PNLIP: variants seen among roughly 807,000 people sequenced by gnomAD.
The protein encoded by PNLIP is pancreatic lipase, also known as pancreatic triacylglycerol lipase.
PNLIP carries 49 observed loss-of-function variants against 57.1 expected under a neutral mutation model. The observed-to-expected ratio is 0.86, with a 90% confidence interval of 0.68 to 1.09. The LOEUF (loss-of-function observed/expected upper bound fraction) is 1.09, where lower values mean the gene tolerates loss of function less well. PNLIP is among the 50% of genes least tolerant of loss of function. PNLIP has a pLI of 0.00. For synonymous variants in PNLIP, 209 were observed against 200.4 expected (o/e 1.04, Z -0.36); for missense variants, 503 against 570.2 (o/e 0.88, Z 1.20).
chr10:116,553,378 T>A (rs1215480705), intron 5 of PNLIP, among the ~76,000 whole-genome samples: 1 of 152,240 alleles, frequency 6.6e-6, no homozygotes, highest in Non-Finnish European at 1.5e-5. Flanking sequence ...GTGCTGGGAT[T>A]ACAGGTGTGC....
At chr10:116,548,535 A>G in intron 4 of PNLIP, 53 bp downstream of exon 4, 1 of 1,592,752 alleles carries the variant, frequency 6.3e-7, no homozygotes, top group East Asian at 2.2e-5. Flanking sequence ...GGTAATTAAC[A>G]AACGGTAAGG....
At position 116,561,385 on chromosome 10, in the gene PNLIP, A is replaced by G. The variant is rs113008689; in HGVS notation, c.1170-87A>G. On this transcript the variant is annotated intron_variant, in intron 11 of 12. Coordinates refer to ENST00000369221, the MANE Select transcript of PNLIP (RefSeq NM_000936.4). ...TAGAAACATAAATGTGTATGTATAT[A>G]TGTACACACTTACATACACACAAAT... 47 of 929,610 alleles carry G rather than the reference A, an allele frequency of 5.1e-5. 1 individual carries two copies. In the African/African-American group the frequency reaches 6.3e-4, roughly 13 times the overall value. 57.6% of individuals were successfully genotyped at this position (929,610 alleles called of 1,614,324 possible).
chr10:116,562,865 T>C (rs1746408036), intron 12 of PNLIP, among the ~76,000 whole-genome samples: 1 of 152,198 alleles, frequency 6.6e-6, no homozygotes, highest in South Asian at 2.1e-4. Context: ...AATTTACCTA[T>C]ATTGACCAAG....
chr10:116,548,240 A>C, intron 3 of PNLIP, 120 bp from the exon 4 acceptor site: 1 of 867,038 alleles, frequency 1.2e-6, no homozygotes, highest in Non-Finnish European at 1.8e-6. Flanking sequence ...CTATGGAGGA[A>C]TCATTATTCA....
intron 5 of PNLIP, among the ~76,000 whole-genome samples, chr10:116,552,078 G>C (rs1013817240): frequency 3.9e-5 from 6 of 152,024 alleles, no homozygotes; most frequent in African/African-American, 1.5e-4. Context: ...ATGGATTTGT[G>C]GTCATGCTGG....
In PNLIP at chr10:116,560,299, AC is replaced by A. The variant is rs1168879374; in HGVS notation, c.1061-116del. 7 of 608,440 alleles carry A rather than the reference AC, an allele frequency of 1.2e-5. No individual in the cohort carries two copies. In the East Asian group the frequency reaches 1.7e-4, roughly 15 times the overall value. 37.7% of individuals were successfully genotyped at this position (608,440 alleles called of 1,614,324 possible). ...ATTACACACACACACACACACACACACACACACACAATTATAAATAAATTAT... is the reference window on the plus strand; with the variant it reads ...ATTACACACACACACACACACACACAACACACACAATTATAAATAAATTAT... On this transcript the variant is annotated intron_variant, in intron 10 of 12. Coordinates refer to ENST00000369221, the MANE Select transcript of PNLIP (RefSeq NM_000936.4).
intron 5 of PNLIP, among the ~76,000 whole-genome samples, chr10:116,553,044 G>A (rs1847212267): frequency 1.3e-5 from 2 of 152,182 alleles, no homozygotes; most frequent in African/African-American, 2.4e-5. Context: ...CTTGCCCAGA[G>A]CAACTTCCAG....
At chr10:116,564,397 G>A (rs977156874) in intron 12 of PNLIP, among the ~76,000 whole-genome samples, 14 of 152,114 alleles carry the variant, frequency 9.2e-5, no homozygotes, top group Admixed American at 5.9e-4. Context: ...CTTAGAGTAT[G>A]GAAAGGAAAA....
chr10:116,562,322 C>T (rs1847323415), intron 12 of PNLIP, among the ~76,000 whole-genome samples: 2 of 152,160 alleles, frequency 1.3e-5, no homozygotes, highest in Admixed American at 1.3e-4. Flanking sequence ...ATTTACTGGC[C>T]TGACTGAAAT....
chr10:116,559,690 T>C (rs1847292545), intron 10 of PNLIP, among the ~76,000 whole-genome samples: 1 of 152,178 alleles, frequency 6.6e-6, no homozygotes, highest in Non-Finnish European at 1.5e-5. Context: ...TTTAGGATTG[T>C]AGGCTCCATG....
intron 12 of PNLIP, among the ~76,000 whole-genome samples, chr10:116,563,507 A>G (rs2133208889): frequency 6.6e-6 from 1 of 152,258 alleles, no homozygotes; most frequent in Middle Eastern, 3.4e-3. Context: ...AGCAGTATAC[A>G]CTGCACCATA....
At chr10:116,560,702 C>G (rs1013308523) in intron 11 of PNLIP, among the ~76,000 whole-genome samples, 178 bp downstream of exon 11, 1 of 151,618 alleles carries the variant, frequency 6.6e-6, no homozygotes, top group African/African-American at 2.4e-5. Flanking sequence ...CTTAGCCTCC[C>G]GAGTAGCTGG....
At chr10:116,561,986 G>GT in intron 12 of PNLIP, among the ~76,000 whole-genome samples, 1 of 152,316 alleles carries the variant, frequency 6.6e-6, no homozygotes, top group African/African-American at 2.4e-5. Flanking sequence ...CCTAATTGCT[G>GT]TTTAAGTTGC....
In PNLIP at chr10:116,560,402, T is replaced by C; in HGVS notation, c.1061-14T>C. ...ATCTCCAAACTGACATTTTGCAATT[T>C]TTCTCCCTTGCAGGTTGGAGGTATA... On this transcript the variant is annotated splice_polypyrimidine_tract_variant and intron_variant, in intron 10 of 12. Coordinates refer to ENST00000369221, the MANE Select transcript of PNLIP (RefSeq NM_000936.4). 1 of 1,475,514 alleles carries C rather than the reference T, an allele frequency of 6.8e-7. No homozygotes were observed. Among genetic ancestry groups the C allele is most frequent in the Non-Finnish European group, 9.3e-7 (1 of 1,074,842 alleles). The allele number at this position is 1,475,514 out of a possible 1,614,324, so 91.4% of individuals were successfully genotyped here. A position where few individuals can be genotyped will look rare whatever the true frequency, so the allele number is the denominator to read the frequency against.
chr10:116,560,409 C>A lies in PNLIP; in HGVS notation c.1061-7C>A. The A allele has an allele frequency of 6.6e-7, 1 of 1,521,690 alleles. No homozygotes were observed. The highest frequency in any genetic ancestry group is 9.0e-7 in the Non-Finnish European group (1 of 1,115,688). The allele number at this position is 1,521,690 out of a possible 1,614,324, so 94.3% of individuals were successfully genotyped here. A position where few individuals can be genotyped will look rare whatever the true frequency, so the allele number is the denominator to read the frequency against. On this transcript the variant is annotated splice_region_variant and splice_polypyrimidine_tract_variant and intron_variant, in intron 10 of 12. Transcript: ENST00000369221. ...AACTGACATTTTGCAATTTTTCTCC[C>A]TTGCAGGTTGGAGGTATAAGGTATC...
chr10:116,552,333 G>T (rs1209145771), intron 5 of PNLIP, among the ~76,000 whole-genome samples: 1 of 152,198 alleles, frequency 6.6e-6, no homozygotes, highest in Non-Finnish European at 1.5e-5. Flanking sequence ...ACAGCTTCAT[G>T]CATGTTATTG....
chr10:116,550,296 G>A (rs1847177371), intron 4 of PNLIP, among the ~76,000 whole-genome samples: 1 of 150,870 alleles, frequency 6.6e-6, no homozygotes, highest in Non-Finnish European at 1.5e-5. Context: ...ATGACCTTGT[G>A]ATCCACCTGC....
At chr10:116,566,023 G>A (rs1847364211) in intron 12 of PNLIP, among the ~76,000 whole-genome samples, 4 of 152,162 alleles carry the variant, frequency 2.6e-5, no homozygotes, top group Admixed American at 2.6e-4. Context: ...TGGCCAGGCT[G>A]GTCTCGAACC....
chr10:116,564,682 C>A (rs1049087464), intron 12 of PNLIP, among the ~76,000 whole-genome samples: 1 of 152,008 alleles, frequency 6.6e-6, no homozygotes, highest in Admixed American at 6.6e-5. Flanking sequence ...AAAATAATGA[C>A]AGTATTTTGG....
Sources: gnomAD v4.1 joint callset for allele counts (sites outside exome capture counted in the v4.1 genomes callset) on GRCh38, gnomAD v4.1.1 for gene constraint, MANE v1.5 for transcripts, NCBI Gene and HGNC (gene_info 2026-07-23, HGNC 2026-07-21) for gene names.